BNC2: variants seen among roughly 807,000 people sequenced by gnomAD.
BNC2 encodes zinc finger protein basonuclin-2.
Under a neutral mutation model 76.3 loss-of-function variants are expected in BNC2, and 20 were observed. The ratio of observed to expected loss-of-function variants is 0.26; its 90% CI spans 0.18 to 0.38. BNC2 has a LOEUF of 0.38. Among genes scored for constraint, BNC2 ranks in the 10% least tolerant of loss-of-function variants. The pLI is 1.00. For synonymous variants in BNC2, 582 were observed against 514.8 expected (o/e 1.13, Z -1.77); for missense variants, 1,382 against 1,399.8 (o/e 0.99, Z 0.20).
chr9:16,810,771 AC>A (rs1200618705), intron 1 of BNC2, among the ~76,000 whole-genome samples: 2 of 152,124 alleles, frequency 1.3e-5, no homozygotes, highest in Non-Finnish European at 2.9e-5. Flanking sequence ...CTAGCCAGAT[AC>A]CCTACCTCAG....
intron 5 of BNC2, among the ~76,000 whole-genome samples, chr9:16,500,732 A>T (rs996080750): frequency 2.0e-5 from 3 of 152,180 alleles, no homozygotes; most frequent in African/African-American, 7.2e-5. Flanking sequence ...TAAAATACAG[A>T]TGTGAAAAAA....
intron 1 of BNC2, among the ~76,000 whole-genome samples, chr9:16,855,828 G>C (rs745350952): frequency 2.0e-5 from 3 of 151,946 alleles, no homozygotes; most frequent in Non-Finnish European, 2.9e-5. Context: ...GATTACAGGC[G>C]TGAGCCACCA....
At chr9:16,437,617 T>G in intron 5 of BNC2, 93 bp from the exon 6 acceptor site, 2 of 1,438,970 alleles carry the variant, frequency 1.4e-6, no homozygotes, top group Admixed American at 3.9e-5. Flanking sequence ...CTCTGTGTGC[T>G]CATAAAACAC....
intron 5 of BNC2, among the ~76,000 whole-genome samples, chr9:16,476,732 G>A (rs956529956): frequency 2.6e-5 from 4 of 152,120 alleles, no homozygotes; most frequent in African/African-American, 9.7e-5. Context: ...TCAAATGACT[G>A]AATGCTGAGT....
rs528775451 is a variant in BNC2, at chr9:16,523,484, A to C, written c.669+29046T>G. ...AGACCCCGTCTCAAAACAAAAAAAA[A>C]AAACAAAACAAAAAAAAACAATTAA... On this transcript the variant is annotated intron_variant, in intron 5 of 6. Transcript: ENST00000380672. Among the ~76,000 whole-genome samples the C allele has an allele frequency of 6.4e-3, 849 of 132,494 alleles. 14 individuals carry two copies. The highest frequency in any genetic ancestry group is 0.029 in the African/African-American group (806 of 28,260). 86.9% of individuals were successfully genotyped at this position (132,494 alleles called of 152,430 possible). A position where few individuals can be genotyped will look rare whatever the true frequency, so the allele number is the denominator to read the frequency against.
At chr9:16,545,685 C>G (rs975137870) in intron 5 of BNC2, among the ~76,000 whole-genome samples, 2 of 152,162 alleles carry the variant, frequency 1.3e-5, no homozygotes, top group African/African-American at 2.4e-5. Flanking sequence ...CCCATACATC[C>G]TGGCTCCTCC....
intron 5 of BNC2, among the ~76,000 whole-genome samples, chr9:16,518,578 A>ATAT (rs1554662254): frequency 1.7e-5 from 1 of 60,588 alleles, no homozygotes; most frequent in Admixed American, 1.5e-4. Flanking sequence ...ATATATATAT[A>ATAT]TTTTTTGTTG....
intron 3 of BNC2, among the ~76,000 whole-genome samples, chr9:16,646,123 G>C (rs1563878288): frequency 6.6e-6 from 1 of 152,182 alleles, no homozygotes; most frequent in African/African-American, 2.4e-5. Flanking sequence ...AAAGTTTTAA[G>C]ATGTTCTAAA....
rs372411976 is a variant in BNC2, at chr9:16,452,077, G to A, written c.670-14553C>T. 1.4e-4 allele frequency among the ~76,000 whole-genome samples: 21 copies of A among 152,262 alleles called. No individual in the cohort carries two copies. In the East Asian group the frequency reaches 1.5e-3, roughly 11 times the overall value. ...CCTAAAAATGTAAACTAGTTCCCCA[G>A]GACCAATGGTGCAGGGAGGCAGCAT... On this transcript the variant is annotated intron_variant, in intron 5 of 6. Transcript: ENST00000380672.
At chr9:16,624,761 T>C (rs1376944779) in intron 3 of BNC2, among the ~76,000 whole-genome samples, 2 of 152,210 alleles carry the variant, frequency 1.3e-5, no homozygotes, top group African/African-American at 4.8e-5. Flanking sequence ...CAAAGTTATT[T>C]CTCTAGTTTA....
intron 5 of BNC2, among the ~76,000 whole-genome samples, chr9:16,522,386 C>G (rs1817646320): frequency 6.6e-6 from 1 of 152,204 alleles, no homozygotes; most frequent in Non-Finnish European, 1.5e-5. Flanking sequence ...AGCCAAGTGA[C>G]AGAGAAGAAA....
At chr9:16,633,831 TTCAA>T (rs1469081907) in intron 3 of BNC2, among the ~76,000 whole-genome samples, 1 of 152,210 alleles carries the variant, frequency 6.6e-6, no homozygotes, top group Non-Finnish European at 1.5e-5. Flanking sequence ...AAGAAGATTC[TTCAA>T]TCAATCTGTT....
chr9:16,653,213 CT>C (rs1054890312), intron 3 of BNC2, among the ~76,000 whole-genome samples: 2 of 152,042 alleles, frequency 1.3e-5, no homozygotes, highest in African/African-American at 4.8e-5. Flanking sequence ...TGTTAAACAA[CT>C]TTTAAAATAA....
At chr9:16,632,790 G>A (rs913100445) in intron 3 of BNC2, among the ~76,000 whole-genome samples, 1 of 152,108 alleles carries the variant, frequency 6.6e-6, no homozygotes, top group South Asian at 2.1e-4. Flanking sequence ...TGCAAATTTT[G>A]ATGAGTCAAA....
intron 1 of BNC2, among the ~76,000 whole-genome samples, chr9:16,836,712 A>AAGACTG (rs1328083809): frequency 6.6e-6 from 1 of 152,196 alleles, no homozygotes; most frequent in Non-Finnish European, 1.5e-5. Context: ...AATTGCTACA[A>AAGACTG]AGACTGGGAC....
intron 1 of BNC2, among the ~76,000 whole-genome samples, chr9:16,796,117 A>G (rs1563947141): frequency 6.6e-6 from 1 of 152,222 alleles, no homozygotes; most frequent in Non-Finnish European, 1.5e-5. Flanking sequence ...ACTGTTAGTG[A>G]GACAGCAGGT....
chr9:16,609,538 T>C (rs547095681), intron 3 of BNC2, among the ~76,000 whole-genome samples: 1 of 152,308 alleles, frequency 6.6e-6, no homozygotes, highest in African/African-American at 2.4e-5. Flanking sequence ...TCCAGCCTGC[T>C]AAGGAGAAGA....
intron 6 of BNC2, chr9:16,429,652 A>G (rs1446401616): frequency 4.0e-6 from 1 of 249,748 alleles, no homozygotes; most frequent in African/African-American, 2.2e-5. Context: ...AGAGTTATAT[A>G]GAAGCATTGT....
chr9:16,862,705 G>A (rs1276331820), intron 1 of BNC2, among the ~76,000 whole-genome samples: 1 of 152,056 alleles, frequency 6.6e-6, no homozygotes, highest in African/African-American at 2.4e-5. Context: ...TAATTTGGGG[G>A]TTTTCATTGC....
Sources: gnomAD v4.1 joint callset for allele counts (sites outside exome capture counted in the v4.1 genomes callset) on GRCh38, gnomAD v4.1.1 for gene constraint, MANE v1.5 for transcripts, NCBI Gene and HGNC (gene_info 2026-07-23, HGNC 2026-07-21) for gene names.